The following PRAM1 variants were observed in gnomAD, a reference collection of about 807,000 sequenced individuals.
The protein encoded by PRAM1 is PML-RARA regulated adaptor molecule 1.
In PRAM1, 41 loss-of-function variants were observed where a neutral mutation model predicts 55.3. The ratio of observed to expected loss-of-function variants is 0.74; its 90% CI spans 0.58 to 0.96. The LOEUF is 0.96. Ranked by LOEUF, PRAM1 falls within the 40% of genes least tolerant of loss-of-function variation. The probability of loss-of-function intolerance (pLI) is 0.00; values close to 1 mark genes in which losing one functional copy is unlikely to be tolerated. For synonymous variants in PRAM1, 401 were observed against 387.1 expected (o/e 1.04, Z -0.42); for missense variants, 898 against 892.7 (o/e 1.01, Z -0.08).
intron 4 of PRAM1, among the ~76,000 whole-genome samples, chr19:8,497,472 C>G (rs556694461): frequency 5.8e-4 from 88 of 152,246 alleles, no homozygotes; most frequent in Non-Finnish European, 1.0e-3. Flanking sequence ...CCTCCTGCCT[C>G]GGGCTCCCAA....
In PRAM1 at chr19:8,491,393, C is replaced by G. The variant is rs1042520189; in HGVS notation, c.1577-236G>C. 3 of 590,688 alleles carry G rather than the reference C, an allele frequency of 5.1e-6. No individual in the cohort carries two copies. In the Admixed American group the frequency reaches 8.9e-5, roughly 18 times the overall value. 36.6% of individuals were successfully genotyped at this position (590,688 alleles called of 1,614,324 possible). On this transcript the variant is annotated intron_variant, in intron 4 of 9. Transcript: ENST00000423345. ...GGATTACAGGTGTCCATCACCACACCTGGCTGATTTTTGTATTTTTAACAC... is the reference window on the plus strand; with the variant it reads ...GGATTACAGGTGTCCATCACCACACGTGGCTGATTTTTGTATTTTTAACAC...
chr19:8,490,340 C>T lies in PRAM1; in HGVS notation c.1973G>A (p.Cys658Tyr), dbSNP rs1310638881. 44 of 1,613,916 alleles carry T rather than the reference C, an allele frequency of 2.7e-5. No homozygotes were observed. The East Asian group carries it at 9.1e-4, about 34-fold the overall frequency. The change falls in exon 9 of 10, where the codon TGC (cysteine) becomes TAC (tyrosine). Residue 658 changes from cysteine (C) to tyrosine (Y), a missense_variant and splice_region_variant. By Grantham distance (194) the Cys-to-Tyr change is radical. Coordinates refer to ENST00000423345, the MANE Select transcript of PRAM1 (RefSeq NM_032152.5). This position sits in a 1 kb window ranked among gnomAD's most constrained non-coding sequence, Gnocchi z 7.3. ...GCCCTCCCAGAGTGTCCACGTACCG[C>T]AGAAGTCGACATCATCGTACACCTC... is the stretch of plus-strand genomic sequence containing the variant. The part of the protein sequence containing the change: ...ETEVYDDVDF[C>Y]DPLENQPLPL...
Position 8,490,673 on chromosome 19 carries a change from C to G in PRAM1, c.1827G>C (p.Gly609=). 2 of 1,599,026 alleles carry G rather than the reference C, an allele frequency of 1.3e-6. No homozygotes were observed. The highest frequency in any genetic ancestry group is 1.7e-6 in the Non-Finnish European group (2 of 1,172,824). ...KTRRGGGKHL[G]IRRGEILEVI... is the part of the protein sequence containing the mutation. ...CCTCCAGGATCTCCCCGCGCCGGATCCCGAGGTGCTTGCCACCCCCGCGAC... is the reference window on the plus strand; with the variant it reads ...CCTCCAGGATCTCCCCGCGCCGGATGCCGAGGTGCTTGCCACCCCCGCGAC... Residue 609 remains glycine, a synonymous_variant, in exon 7 of 10, where the codon GGG becomes GGC. Coordinates refer to ENST00000423345, the MANE Select transcript of PRAM1 (RefSeq NM_032152.5). This position sits in a 1 kb window ranked among gnomAD's most constrained non-coding sequence, Gnocchi z 7.3.
Position 8,498,709 on chromosome 19 carries a change from T to C in PRAM1, c.1099A>G (p.Lys367Glu). 6.3e-7 allele frequency: 1 copy of C among 1,596,364 alleles called. No homozygotes were observed. Among genetic ancestry groups the C allele is most frequent in the Non-Finnish European group, 8.5e-7 (1 of 1,172,144 alleles). Residue 367 changes from lysine (K) to glutamate (E), a missense_variant, in exon 2 of 10, where the codon AAG becomes GAG. Around this residue, in one of 4 missense-constraint regions of PRAM1, gnomAD observed 787 missense variants for 735.4 expected, o/e 1.07. Coordinates refer to ENST00000423345, the MANE Select transcript of PRAM1 (RefSeq NM_032152.5). ...FSQPEPSAVL[K>E]RHPQPEFFGD... is the part of the protein sequence containing the mutation. ...AAGAACTCAGGCTGCGGGTGTCTCT[T>C]GAGGACAGCGCTGGGCTCAGGCTGT...
chr19:8,500,017 T>C (rs1488494197), intron 1 of PRAM1, among the ~76,000 whole-genome samples: 1 of 151,870 alleles, frequency 6.6e-6, no homozygotes, highest in East Asian at 1.9e-4. Flanking sequence ...GCACTGGAGA[T>C]CCCGACATCC....
chr19:8,490,243 A>G lies in PRAM1; in HGVS notation c.1976-17T>C. 3 of 1,608,612 alleles carry G rather than the reference A, an allele frequency of 1.9e-6. No homozygotes were observed. The highest frequency in any genetic ancestry group is 4.5e-5 in the East Asian group (2 of 44,700). On this transcript the variant is annotated splice_polypyrimidine_tract_variant and intron_variant, in intron 9 of 9. Transcript: ENST00000423345. This position sits in a 1 kb window ranked among gnomAD's most constrained non-coding sequence, Gnocchi z 7.3. ...CCAGGGGATCTGCCGAGGAAGCGTG[A>G]CTTCCATGGACCCCTCTCCCCAGAA...
Position 8,499,264 on chromosome 19 carries a change from CG to C in PRAM1, c.543del (p.Glu182AsnfsTer28). 6.2e-7 allele frequency: 1 copy of C among 1,609,746 alleles called. No individual in the cohort carries two copies. Among genetic ancestry groups the C allele is most frequent in the Non-Finnish European group, 8.5e-7 (1 of 1,177,682 alleles). On this transcript the variant is annotated frameshift_variant, in exon 2 of 10. Coordinates refer to ENST00000423345, the MANE Select transcript of PRAM1 (RefSeq NM_032152.5). LOFTEE classifies it high-confidence loss of function. ...DELSHPARPP[S>X]EPKSGAFPRK... ...CTGGGGAATGCGCCGGATTTGGGTT[CG>C]GAGGGGGGTCTGGCGGGGTGACTGA... is the stretch of plus-strand genomic sequence containing the variant.
intron 1 of PRAM1, 128 bp from the exon 2 acceptor site, chr19:8,499,908 C>T: frequency 5.2e-6 from 4 of 768,588 alleles, no homozygotes; most frequent in Admixed American, 3.0e-5. Flanking sequence ...CAGCCCTCAG[C>T]TCTTTCCCAG....
chr19:8,494,466 G>GAA (rs1971669848), intron 4 of PRAM1, among the ~76,000 whole-genome samples: 6 of 152,252 alleles, frequency 3.9e-5, no homozygotes, highest in Admixed American at 6.5e-5. Flanking sequence ...AGCAGAGGGG[G>GAA]CCTCTCTGCC....
intron 1 of PRAM1, among the ~76,000 whole-genome samples, chr19:8,500,604 C>T (rs1164520023): frequency 2.0e-5 from 3 of 152,014 alleles, no homozygotes; most frequent in Non-Finnish European, 4.4e-5. Context: ...ACCCAGCCAC[C>T]TTCTCCTCCC....
intron 4 of PRAM1, among the ~76,000 whole-genome samples, chr19:8,495,616 AG>A (rs1311016063): frequency 2.0e-5 from 3 of 152,186 alleles, no homozygotes; most frequent in African/African-American, 7.2e-5. Flanking sequence ...GTACGGATTT[AG>A]GGACAGGCAG....
chr19:8,496,165 C>T, intron 4 of PRAM1: 2 of 454,340 alleles, frequency 4.4e-6, no homozygotes, highest in South Asian at 3.1e-5. Context: ...CCTGAAATCT[C>T]AGCACTTTGG....
rs187833652 is a variant in PRAM1 at position 8,496,287 on chromosome 19, G to A, written c.1576+1477C>T. Among the ~76,000 whole-genome samples, 108 of 152,248 alleles carry A rather than the reference G, an allele frequency of 7.1e-4. No individual in the cohort carries two copies. In the East Asian group the frequency reaches 0.014, roughly 20 times the overall value. On this transcript the variant is annotated intron_variant, in intron 4 of 9. Coordinates refer to ENST00000423345, the MANE Select transcript of PRAM1 (RefSeq NM_032152.5). The stretch of plus-strand genomic sequence containing the variant: ...AAATTAACTAGGCATGGTGGTGGGC[G>A]CCTGTAATCCCAGCTACTTGGGAGG...
chr19:8,498,418 CG>C lies in PRAM1; in HGVS notation c.1389del (p.Val464TrpfsTer14). 6.3e-7 allele frequency: 1 copy of C among 1,577,302 alleles called. No homozygotes were observed. The highest frequency in any genetic ancestry group is 1.2e-5 in the South Asian group (1 of 86,532). ...GGTCTCCGAAAGCTCTGCATATCCA[CG>C]GGCCCCGGGGGCAGCGGGGGCTTGG... ...PPAKPPLPPG[P>X]VDMQSFRRPS... On this transcript the variant is annotated frameshift_variant, in exon 2 of 10. Transcript: ENST00000423345. LOFTEE classifies it high-confidence loss of function.
At position 8,499,283 on chromosome 19, in the gene PRAM1, G is replaced by T. The variant is rs775910153; in HGVS notation, c.525C>A (p.His175Gln). 5.6e-6 allele frequency: 9 copies of T among 1,609,934 alleles called. No individual in the cohort carries two copies. The highest frequency in any genetic ancestry group is 6.8e-6 in the Non-Finnish European group (8 of 1,177,918). ...RKPLQPDELS[H>Q]PARPPSEPKS... Reference sequence around the variant, plus strand: ...TGGGTTCGGAGGGGGGTCTGGCGGGGTGACTGAGTTCGTCGGGCTGCAGGG... The same window carrying T: ...TGGGTTCGGAGGGGGGTCTGGCGGGTTGACTGAGTTCGTCGGGCTGCAGGG... Residue 175 changes from histidine to glutamine, a missense_variant, in exon 2 of 10, where the codon CAC becomes CAA. This residue lies in a region of PRAM1 where 787 missense variants were observed against 735.4 expected (regional missense o/e 1.07). Coordinates refer to ENST00000423345, the MANE Select transcript of PRAM1 (RefSeq NM_032152.5).
At position 8,498,457 on chromosome 19, in the gene PRAM1, C is replaced by T. The variant is rs1170543025; in HGVS notation, c.1351G>A (p.Gly451Arg). The stretch of plus-strand genomic sequence containing the variant: ...AGCGGGGGCTTGGCTGGAGGGTGTC[C>T]CAGGCTGCTGGCAGGGGGCAGAGGC... ...RRPLPPASSLGHPPAKPPLPP... is the reference protein window; with the variant it reads ...RRPLPPASSLRHPPAKPPLPP... The change falls in exon 2 of 10, where the codon GGA becomes AGA. Residue 451 changes from glycine (G) to arginine (R), a missense_variant. By Grantham distance (125) the Gly-to-Arg change is moderately radical (BLOSUM62 -2). This residue lies in a region of PRAM1 where 787 missense variants were observed against 735.4 expected (regional missense o/e 1.07). Transcript: ENST00000423345. 6.3e-7 allele frequency: 1 copy of T among 1,584,456 alleles called. No homozygotes were observed. The highest frequency in any genetic ancestry group is 1.7e-4 in the Middle Eastern group (1 of 5,856).
At position 8,498,897 on chromosome 19, in the gene PRAM1, A is replaced by T. The variant is rs1174001263; in HGVS notation, c.911T>A (p.Val304Glu). The change falls in exon 2 of 10, where the codon GTG (valine) becomes GAG (glutamate). Residue 304 changes from valine (V) to glutamate (E), a missense_variant. Physicochemically the swap from Val to Glu is moderately radical, Grantham distance 121 (BLOSUM62 -2). Around this residue, in one of 4 missense-constraint regions of PRAM1, gnomAD observed 787 missense variants for 735.4 expected, o/e 1.07. Coordinates refer to ENST00000423345, the MANE Select transcript of PRAM1 (RefSeq NM_032152.5). ...TRTSSEPEVS[V>E]LPKRPRPAEF... Reference sequence around the variant, plus strand: ...GGCCGGCCGCGGCCTCTTGGGAAGCACGCTGACTTCGGGCTCTGAGGAGGT... The same window carrying T: ...GGCCGGCCGCGGCCTCTTGGGAAGCTCGCTGACTTCGGGCTCTGAGGAGGT... The T allele has an allele frequency of 6.2e-7, 1 of 1,612,548 alleles. No individual in the cohort carries two copies. The highest frequency in any genetic ancestry group is 1.1e-5 in the South Asian group (1 of 91,026).
At chr19:8,492,344 C>A (rs1351664210) in intron 4 of PRAM1, among the ~76,000 whole-genome samples, 1 of 151,928 alleles carries the variant, frequency 6.6e-6, no homozygotes, top group African/African-American at 2.4e-5. Context: ...GCAACCTCTG[C>A]CTCCTGGGTT....
chr19:8,498,333 A>C (rs751975646), intron 2 of PRAM1, 43 bp downstream of exon 2: 1 of 1,594,886 alleles, frequency 6.3e-7, no homozygotes, highest in Non-Finnish European at 8.5e-7. Context: ...ACTGCCTGGG[A>C]CCTCAGCCCC....
Sources: gnomAD v4.1 joint callset for allele counts (sites outside exome capture counted in the v4.1 genomes callset) on GRCh38, gnomAD v4.1.1 for gene constraint, gnomAD v4.1.1 regional missense constraint, Gnocchi (gnomAD v3.1) non-coding constraint, MANE v1.5 for transcripts, NCBI Gene and HGNC (gene_info 2026-07-23, HGNC 2026-07-21) for gene names.